The following PAN2 variants were observed in gnomAD, a reference collection of about 807,000 sequenced individuals.
PAN2 encodes the protein poly(A) specific ribonuclease subunit PAN2.
In PAN2, 68 loss-of-function variants were observed where a neutral mutation model predicts 133.3. That is an observed-to-expected ratio of 0.51 (90% CI 0.42 to 0.62). The LOEUF (loss-of-function observed/expected upper bound fraction) is 0.62. PAN2 is among the 20% of genes least tolerant of loss of function. The probability of loss-of-function intolerance (pLI) is 0.00; values close to 1 mark genes in which losing one functional copy is unlikely to be tolerated. For synonymous variants in PAN2, 462 were observed against 544.6 expected (o/e 0.85, Z 2.11); for missense variants, 1,042 against 1,500.5 (o/e 0.69, Z 5.05).
rs1876098483 is a variant in PAN2 at position 56,333,139 on chromosome 12, C to G, written c.-45G>C. 6.3e-7 allele frequency: 1 copy of G among 1,598,000 alleles called. No homozygotes were observed. Among genetic ancestry groups the G allele is most frequent in the Non-Finnish European group, 8.6e-7 (1 of 1,169,200 alleles). ...ACCTGTGTCACACCCTCCCTTACCA[C>G]AGTCCCTTTAGATGCCTGACCCAAC... On this transcript the variant is annotated 5_prime_UTR_variant, in exon 2 of 26. Transcript: ENST00000440411.
At chr12:56,325,594 C>T (rs534304316) in intron 8 of PAN2, 140 bp from the exon 9 acceptor site, 7 of 881,992 alleles carry the variant, frequency 7.9e-6, no homozygotes, top group Middle Eastern at 5.1e-4. Flanking sequence ...TGCTTCCTTT[C>T]TATTTCCACT....
Position 56,322,728 on chromosome 12 carries a change from C to A in PAN2, c.2524G>T (p.Gly842Cys). Residue 842 changes from glycine to cysteine, a missense_variant, in exon 18 of 26, where the codon GGT (glycine) becomes TGT (cysteine). Gly to Cys is a radical substitution (Grantham distance 159). Coordinates refer to ENST00000440411, the MANE Select transcript of PAN2 (RefSeq NM_014871.6). ...GCCATCAGGTCATACACATAGACAC[C>A]ATGCTCCTCCTCTGCCCTGGCTGGG... is the stretch of plus-strand genomic sequence containing the variant. ...WGPARAEEEH[G>C]VYVYDLMATV... 1.2e-6 allele frequency: 2 copies of A among 1,613,906 alleles called. No individual in the cohort carries two copies. The highest frequency in any genetic ancestry group is 2.2e-5 in the South Asian group (2 of 91,080).
chr12:56,317,415 G>GA lies in PAN2; in HGVS notation c.*193dup, dbSNP rs1158414863. The stretch of plus-strand genomic sequence containing the variant: ...GTTTTGCAAAGAATGAAGAAGGAAT[G>GA]AATCTGGCTCCTAGAACCTTTGCAA... On this transcript the variant is annotated 3_prime_UTR_variant, in exon 26 of 26. Transcript: ENST00000440411. 1 of 605,758 alleles carries GA rather than the reference G, an allele frequency of 1.7e-6. No individual in the cohort carries two copies. The highest frequency in any genetic ancestry group is 3.0e-6 in the Non-Finnish European group (1 of 334,190). The allele number at this position is 605,758 out of a possible 1,614,324, so 37.5% of individuals were successfully genotyped here.
chr12:56,327,543 T>C lies in PAN2; in HGVS notation c.740A>G (p.Asn247Ser), dbSNP rs771048260. ...GGAGAAGCCACAGGCAGCTAGCAGG[T>C]TGCCATGCACATCAAAGTCTGACAG... is the stretch of plus-strand genomic sequence containing the variant. ...GSLSDFDVHGNLLAACGFSSR... is the reference protein window; with the variant it reads ...GSLSDFDVHGSLLAACGFSSR... The change falls in exon 6 of 26, where the codon AAC becomes AGC. Residue 247 changes from asparagine (N) to serine (S), a missense_variant. By Grantham distance (46) the Asn-to-Ser change is conservative. Around this residue, in one of 3 missense-constraint regions of PAN2, gnomAD observed 908 missense variants for 1,223.5 expected, o/e 0.74. Transcript: ENST00000440411. 5.6e-6 allele frequency: 9 copies of C among 1,614,190 alleles called. No individual in the cohort carries two copies. The South Asian group carries it at 9.9e-5, about 18-fold the overall frequency.
At chr12:56,330,760 C>T (rs969322832) in intron 2 of PAN2, among the ~76,000 whole-genome samples, 4 of 151,920 alleles carry the variant, frequency 2.6e-5, no homozygotes, top group African/African-American at 9.7e-5. Flanking sequence ...ATCAAAGTGC[C>T]GGGATTACAG....
chr12:56,322,971 TCTG>T (rs1874727536), intron 17 of PAN2, 88 bp downstream of exon 17: 2 of 1,497,998 alleles, frequency 1.3e-6, no homozygotes, highest in African/African-American at 2.8e-5. Flanking sequence ...TCCTTTTCCC[TCTG>T]CTAAGTTTCA....
chr12:56,331,477 C>T (rs1056397035), intron 2 of PAN2, among the ~76,000 whole-genome samples: 9 of 152,216 alleles, frequency 5.9e-5, no homozygotes, highest in African/African-American at 1.2e-4. Context: ...TTCACACTGG[C>T]GCTTAGTACC....
At chr12:56,322,332 T>G in intron 19 of PAN2, 91 bp downstream of exon 19, 1 of 1,190,860 alleles carries the variant, frequency 8.4e-7, no homozygotes, top group Non-Finnish European at 1.3e-6. Context: ...TCCCTCCCTG[T>G]TGAATCTGCC....
intron 20 of PAN2, among the ~76,000 whole-genome samples, chr12:56,320,807 G>A (rs552388289): frequency 7.6e-6 from 1 of 131,364 alleles, no homozygotes; most frequent in African/African-American, 3.0e-5. Flanking sequence ...GCTCACGCCT[G>A]TAAACCCAGC....
chr12:56,328,706 T>G (rs1592444528), intron 2 of PAN2, 65 bp from the exon 3 acceptor site: 1 of 1,377,258 alleles, frequency 7.3e-7, no homozygotes, highest in Non-Finnish European at 1.0e-6. Context: ...TACGGCCAGG[T>G]CAGGGACTGA....
In PAN2 at chr12:56,324,434, G is replaced by A. The variant is rs140016470; in HGVS notation, c.1788C>T (p.Ile596=). Residue 596 remains isoleucine (I), a synonymous_variant, in exon 12 of 26, where the codon ATC becomes ATT. Transcript: ENST00000440411. Reference sequence around the variant, plus strand: ...CTGAGGCCTCATCTGAGTCAGCCAGGATTAGACCGAGGGCTGAGGCCTCAG... The same window carrying A: ...CTGAGGCCTCATCTGAGTCAGCCAGAATTAGACCGAGGGCTGAGGCCTCAG... The part of the protein sequence containing the change: ...TIPEASALGL[I]LADSDEASGK... The A allele has an allele frequency of 6.2e-7, 1 of 1,614,206 alleles. No individual in the cohort carries two copies. Among genetic ancestry groups the A allele is most frequent in the African/African-American group, 1.3e-5 (1 of 75,050 alleles).
At chr12:56,322,013 C>G in intron 20 of PAN2, 65 bp downstream of exon 20, 1 of 812,478 alleles carries the variant, frequency 1.2e-6, no homozygotes, top group Non-Finnish European at 2.1e-6. Context: ...AAGCAATGTC[C>G]CAGATCTCAC....
Position 56,326,779 on chromosome 12 carries a change from G to T in PAN2, c.1100C>A (p.Pro367His), listed in dbSNP as rs779795592. The change falls in exon 7 of 26, where the codon CCC becomes CAC. Residue 367 changes from proline to histidine, a missense_variant. Pro to His is a moderately conservative substitution (Grantham distance 77). This residue lies in a region of PAN2 where 908 missense variants were observed against 1,223.5 expected (regional missense o/e 0.74). Transcript: ENST00000440411. ...WTDSPEPSFN[P>H]YSRETEFALP... The stretch of plus-strand genomic sequence containing the variant: ...AGCAAACTCAGTCTCACGGGAGTAG[G>T]GGTTGAAGGAAGGCTCCGGGGAATC... 9.3e-6 allele frequency: 15 copies of T among 1,614,086 alleles called. No individual in the cohort carries two copies.
intron 10 of PAN2, 94 bp downstream of exon 10, chr12:56,324,915 C>T (rs979657512): frequency 1.8e-5 from 27 of 1,481,892 alleles, no homozygotes; most frequent in African/African-American, 2.8e-5. Context: ...AAAGAGAACA[C>T]GGCTGAGGAG....
intron 2 of PAN2, among the ~76,000 whole-genome samples, chr12:56,328,943 AG>A (rs1231987295): frequency 3.3e-5 from 5 of 152,246 alleles, no homozygotes; most frequent in African/African-American, 1.2e-4. Flanking sequence ...ATAGAAGGTC[AG>A]GGACATGGTC....
intron 2 of PAN2, among the ~76,000 whole-genome samples, chr12:56,332,002 C>T (rs1351732515): frequency 1.3e-5 from 2 of 152,098 alleles, no homozygotes; most frequent in South Asian, 2.1e-4. Flanking sequence ...AGTGAGCCAC[C>T]GGTCCCGGCC....
chr12:56,322,780 TGCTAA>T, intron 17 of PAN2, 22 bp from the exon 18 acceptor site: 4 of 1,601,760 alleles, frequency 2.5e-6, no homozygotes, highest in Non-Finnish European at 3.4e-6. Context: ...GTACCCAGGC[TGCTAA>T]GCTAAGTTTA....
chr12:56,321,995 G>A, intron 20 of PAN2, 83 bp downstream of exon 20: 2 of 700,768 alleles, frequency 2.9e-6, no homozygotes, highest in South Asian at 1.8e-5. Flanking sequence ...CCAATCCTAA[G>A]TACTTGCAAG....
At chr12:56,329,819 C>T (rs1353012236) in intron 2 of PAN2, among the ~76,000 whole-genome samples, 4 of 151,830 alleles carry the variant, frequency 2.6e-5, no homozygotes, top group East Asian at 3.9e-4. Context: ...TGGCACACAC[C>T]TGTAGTCCCA....
Sources: allele counts gnomAD v4.1 joint callset (sites outside exome capture counted in the v4.1 genomes callset), GRCh38; gene constraint gnomAD v4.1.1; regional missense constraint gnomAD v4.1.1; transcripts MANE v1.5; gene names NCBI Gene and HGNC (gene_info 2026-07-23, HGNC 2026-07-21).